The following C10orf67 variants were observed in gnomAD, a reference collection of about 807,000 sequenced individuals.
C10orf67 encodes uncharacterized protein C10orf67, mitochondrial.
A neutral mutation model predicts 35.6 loss-of-function variants in C10orf67; 60 were observed. That is an observed-to-expected ratio of 1.68 (90% confidence interval 1.37 to 2.09). The LOEUF is 2.09. C10orf67 is among the 30% of genes most tolerant of loss of function. The pLI is 0.00. For missense variants in C10orf67, 474 were observed against 330.2 expected, an observed-to-expected ratio of 1.44 and a Z score of -3.38; for synonymous variants, 167 against 115.8, an observed-to-expected ratio of 1.44 and a Z score of -2.84.
chr10:23,330,517 G>C (rs1845405724), intron 2 of C10orf67, among the ~76,000 whole-genome samples: 1 of 152,086 alleles, frequency 6.6e-6, no homozygotes, highest in Admixed American at 6.5e-5. Context: ...GAGGCAGATG[G>C]ATCACGAGGT....
chr10:23,224,162 T>A (rs1050474573), intron 13 of C10orf67, among the ~76,000 whole-genome samples: 5 of 152,184 alleles, frequency 3.3e-5, no homozygotes, highest in African/African-American at 1.2e-4. Flanking sequence ...CATGGCTGGG[T>A]ACCCCTCTGA....
chr10:23,250,620 CTTCT>C lies in C10orf67; in HGVS notation c.1268_1271del (p.Lys423ArgfsTer12), dbSNP rs975887241. 5.0e-6 allele frequency: 2 copies of C among 398,592 alleles called. No homozygotes were observed. Among genetic ancestry groups the C allele is most frequent in the Non-Finnish European group, 8.9e-6 (2 of 225,860 alleles). 24.7% of individuals were successfully genotyped at this position (398,592 alleles called of 1,614,324 possible). On this transcript the variant is annotated frameshift_variant, in exon 11 of 16. Coordinates refer to ENST00000636213, the MANE Select transcript of C10orf67 (RefSeq NM_001371909.1). LOFTEE classifies it high-confidence loss of function. Reference sequence around the variant, plus strand: ...TACTCTATTACCAGTACCTTTCCACCTTCTTTTTCTCATTCTCTAAATTTGCCTT... The same window carrying C: ...TACTCTATTACCAGTACCTTTCCACCTTTTCTCATTCTCTAAATTTGCCTT...
intron 12 of C10orf67, among the ~76,000 whole-genome samples, chr10:23,244,867 A>G (rs892197707): frequency 6.6e-6 from 1 of 152,324 alleles, no homozygotes; most frequent in African/African-American, 2.4e-5. Flanking sequence ...TTTTATGGAA[A>G]CATAGAAGAC....
intron 13 of C10orf67, among the ~76,000 whole-genome samples, chr10:23,229,897 C>A (rs1841859665): frequency 6.6e-6 from 1 of 151,850 alleles, no homozygotes; most frequent in Non-Finnish European, 1.5e-5. Flanking sequence ...GCCAATTGTG[C>A]CTAAATTGAA....
chr10:23,273,381 A>T (rs752340319), intron 8 of C10orf67, among the ~76,000 whole-genome samples: 5 of 152,290 alleles, frequency 3.3e-5, no homozygotes, highest in Non-Finnish European at 7.4e-5. Flanking sequence ...AGTATTTTTT[A>T]TCATGAATGG....
At chr10:23,252,502 T>C (rs1464999194) in intron 10 of C10orf67, among the ~76,000 whole-genome samples, 2 of 152,228 alleles carry the variant, frequency 1.3e-5, no homozygotes, top group Admixed American at 6.5e-5. Flanking sequence ...TGAATGCTTA[T>C]GATATGCCAA....
intron 13 of C10orf67, among the ~76,000 whole-genome samples, chr10:23,236,122 A>G (rs2132130689): frequency 6.6e-6 from 1 of 151,998 alleles, no homozygotes; most frequent in Non-Finnish European, 1.5e-5. Flanking sequence ...GGTGGCAGGC[A>G]CCTGTAATCC....
chr10:23,337,891 T>C (rs1845748860), intron 1 of C10orf67, among the ~76,000 whole-genome samples: 1 of 152,172 alleles, frequency 6.6e-6, no homozygotes, highest in South Asian at 2.1e-4. Flanking sequence ...AATGACACAA[T>C]CATGAAGGAA....
intron 4 of C10orf67, among the ~76,000 whole-genome samples, chr10:23,311,880 T>C (rs1053290402): frequency 2.6e-5 from 4 of 152,180 alleles, no homozygotes; most frequent in African/African-American, 9.7e-5. Flanking sequence ...CGGTGTTAGT[T>C]TGCAACATTT....
intron 15 of C10orf67, among the ~76,000 whole-genome samples, chr10:23,213,809 T>C (rs1841370106): frequency 6.6e-6 from 1 of 151,964 alleles, no homozygotes; most frequent in Non-Finnish European, 1.5e-5. Context: ...TAAAGCAGAA[T>C]ATCAGAAAAT....
intron 13 of C10orf67, among the ~76,000 whole-genome samples, chr10:23,228,133 A>T (rs901062933): frequency 7.2e-4 from 109 of 152,256 alleles, no homozygotes; most frequent in Non-Finnish European, 6.3e-4. Flanking sequence ...CATTGCCAAG[A>T]CAATCCTAAG....
intron 7 of C10orf67, among the ~76,000 whole-genome samples, chr10:23,285,363 T>C (rs1843499255): frequency 1.3e-5 from 2 of 148,712 alleles, no homozygotes; most frequent in Admixed American, 6.7e-5. Flanking sequence ...TATTATATAA[T>C]TTGTTATATA....
chr10:23,314,150 T>G (rs1844601716), intron 4 of C10orf67, among the ~76,000 whole-genome samples: 1 of 151,936 alleles, frequency 6.6e-6, no homozygotes. Flanking sequence ...ACGGTGCCAC[T>G]GCACTCCAGC....
chr10:23,256,034 C>T (rs146038718), intron 10 of C10orf67, among the ~76,000 whole-genome samples: 51 of 152,254 alleles, frequency 3.3e-4, no homozygotes, highest in Middle Eastern at 3.4e-3. Flanking sequence ...AGACAGTTTG[C>T]TCCATGGCTC....
At chr10:23,237,274 C>G (rs1166110706) in intron 13 of C10orf67, among the ~76,000 whole-genome samples, 1 of 152,076 alleles carries the variant, frequency 6.6e-6, no homozygotes, top group African/African-American at 2.4e-5. Flanking sequence ...TTTTCTTTGT[C>G]CAGTCTACCA....
intron 15 of C10orf67, among the ~76,000 whole-genome samples, chr10:23,220,938 TTCCTA>T (rs1841560274): frequency 6.6e-6 from 1 of 152,226 alleles, no homozygotes; most frequent in African/African-American, 2.4e-5. Flanking sequence ...AATAATAATG[TTCCTA>T]TCCTATTTAC....
intron 8 of C10orf67, among the ~76,000 whole-genome samples, chr10:23,277,564 A>T (rs988160264): frequency 4.6e-5 from 7 of 152,050 alleles, no homozygotes; most frequent in South Asian, 2.1e-4. Flanking sequence ...AAAAAAAAAA[A>T]AAATAATAAC....
At chr10:23,337,567 G>A (rs1268424411) in intron 1 of C10orf67, among the ~76,000 whole-genome samples, 1 of 152,080 alleles carries the variant, frequency 6.6e-6, no homozygotes, top group Non-Finnish European at 1.5e-5. Flanking sequence ...AGTCATCATT[G>A]GTGACTATGG....
At chr10:23,236,094 A>T (rs1262054752) in intron 13 of C10orf67, among the ~76,000 whole-genome samples, 1 of 151,748 alleles carries the variant, frequency 6.6e-6, no homozygotes, top group African/African-American at 2.4e-5. Context: ...TAAAAATACA[A>T]AAAAATTAGC....
Sources: gnomAD v4.1 joint callset for allele counts (sites outside exome capture counted in the v4.1 genomes callset) on GRCh38, gnomAD v4.1.1 for gene constraint, MANE v1.5 for transcripts, NCBI Gene and HGNC (gene_info 2026-07-23, HGNC 2026-07-21) for gene names.